The following UBE2V1 variants were observed in gnomAD, a reference collection of about 807,000 sequenced individuals.
UBE2V1 encodes the protein ubiquitin conjugating enzyme E2 V1.
Under a neutral mutation model 19.6 loss-of-function variants are expected in UBE2V1, and 15 were observed. The observed-to-expected ratio is 0.77, with a 90% confidence interval of 0.51 to 1.18. The LOEUF is 1.18. Among genes scored for constraint, UBE2V1 ranks in the 50% most tolerant of loss-of-function variants. The probability of loss-of-function intolerance (pLI) is 0.00; values close to 1 mark genes in which losing one functional copy is unlikely to be tolerated. For synonymous variants in UBE2V1, 60 were observed against 60.7 expected (o/e 0.99, Z 0.05); for missense variants, 125 against 184.8 (o/e 0.68, Z 1.88).
intron 2 of UBE2V1, among the ~76,000 whole-genome samples, chr20:50,089,468 T>G (rs1318448936): frequency 6.6e-6 from 1 of 152,210 alleles, no homozygotes; most frequent in East Asian, 1.9e-4. Context: ...AAATCCCTTT[T>G]CCCTTCCCCA....
intron 2 of UBE2V1, among the ~76,000 whole-genome samples, chr20:50,092,554 A>C (rs1039888034): frequency 2.0e-5 from 3 of 152,188 alleles, no homozygotes; most frequent in Admixed American, 1.3e-4. Flanking sequence ...ATGACAAAGA[A>C]AAGAACCAGC....
intron 2 of UBE2V1, among the ~76,000 whole-genome samples, chr20:50,094,257 A>AT (rs1157023475): frequency 7.4e-6 from 1 of 135,544 alleles, no homozygotes; most frequent in African/African-American, 2.6e-5. Context: ...TATAATATAT[A>AT]ATGCATTATA....
intron 1 of UBE2V1, among the ~76,000 whole-genome samples, chr20:50,109,674 G>A (rs2080619265): frequency 6.7e-6 from 1 of 150,196 alleles, no homozygotes; most frequent in South Asian, 2.1e-4. Context: ...GCTTGAACCT[G>A]GGAAGCAGAG....
intron 1 of UBE2V1, among the ~76,000 whole-genome samples, chr20:50,105,069 A>T (rs1417386279): frequency 6.6e-6 from 1 of 152,052 alleles, no homozygotes; most frequent in African/African-American, 2.4e-5. Flanking sequence ...AAAACTTACC[A>T]TTTTTTTTAA....
At chr20:50,115,230 T>C (rs890006064), upstream of UBE2V1, among the ~76,000 whole-genome samples, 1 of 152,174 alleles carries the variant, frequency 6.6e-6, no homozygotes, top group Admixed American at 6.5e-5. Context: ...GCCTGTGCTG[T>C]TCCCACTCTT....
rs192684215 is a variant in UBE2V1, at chr20:50,111,500, T to C, written c.22+1607A>G. ...CCCAGCAGTCTGGCCTGACTCAGAA[T>C]CTCTCTTCTGGGAGTGCCTGGGGCA... is the stretch of plus-strand genomic sequence containing the variant. On this transcript the variant is annotated intron_variant, in intron 1 of 3. Transcript: ENST00000371674. 517 of 1,000,304 alleles carry C rather than the reference T, an allele frequency of 5.2e-4. 1 individual carries two copies. In the African/African-American group the frequency reaches 8.6e-3, roughly 17 times the overall value. The allele number at this position is 1,000,304 out of a possible 1,614,324, so 62.0% of individuals were successfully genotyped here. A position where few individuals can be genotyped will look rare whatever the true frequency, so the allele number is the denominator to read the frequency against.
In UBE2V1 at chr20:50,093,872, C is replaced by T. The variant is rs1310197234; in HGVS notation, c.171+2800G>A. On this transcript the variant is annotated intron_variant, in intron 2 of 3. Coordinates refer to ENST00000371674, the MANE Select transcript of UBE2V1 (RefSeq NM_001032288.3). ...GGCGTGGTGGCGGGTACCTGTAATC[C>T]CAGCTACTCGGGAGGCTGAGGCAGA... 1.1e-4 allele frequency among the ~76,000 whole-genome samples: 17 copies of T among 149,554 alleles called. No homozygotes were observed. The East Asian group carries it at 3.1e-3, about 28-fold the overall frequency.
At chr20:50,105,704 T>A (rs2080309780) in intron 1 of UBE2V1, among the ~76,000 whole-genome samples, 1 of 152,168 alleles carries the variant, frequency 6.6e-6, no homozygotes, top group Non-Finnish European at 1.5e-5. Flanking sequence ...ATCTCAGTAC[T>A]TTGAGAGGCC....
chr20:50,082,874 T>C lies in UBE2V1; in HGVS notation c.338A>G (p.Asn113Ser). 3 of 1,611,874 alleles carry C rather than the reference T, an allele frequency of 1.9e-6. No homozygotes were observed. The highest frequency in any genetic ancestry group is 2.5e-6 in the Non-Finnish European group (3 of 1,179,848). ...RAISVLAKWQ[N>S]SYSIKVVLQE... Reference sequence around the variant, plus strand: ...CAGGACAACTTTGATGCTATATGAATTCTGCCATTTTGCTAGCACTGATAT... The same window carrying C: ...CAGGACAACTTTGATGCTATATGAACTCTGCCATTTTGCTAGCACTGATAT... Residue 113 changes from asparagine to serine, a missense_variant, in exon 4 of 4, where the codon AAT becomes AGT. By Grantham distance (46) the Asn-to-Ser change is conservative. Transcript: ENST00000371674.
intron 1 of UBE2V1, among the ~76,000 whole-genome samples, chr20:50,103,991 T>C (rs1464394411): frequency 2.0e-5 from 3 of 149,224 alleles, no homozygotes. Context: ...GTTGAAGAAA[T>C]GGCAGTATCA....
At position 50,106,698 on chromosome 20, in the gene UBE2V1, C is replaced by T. The variant is rs541893603; in HGVS notation, c.22+6409G>A. The stretch of plus-strand genomic sequence containing the variant: ...ATACAAAATTAGCTGGGCGTGGTGG[C>T]GCATGCCTGTAATCGAGCTACTCAG... On this transcript the variant is annotated intron_variant, in intron 1 of 3. Coordinates refer to ENST00000371674, the MANE Select transcript of UBE2V1 (RefSeq NM_001032288.3). Among the ~76,000 whole-genome samples the T allele has an allele frequency of 2.5e-4, 11 of 44,032 alleles. No homozygotes were observed. In the East Asian group the frequency reaches 5.0e-3, roughly 20 times the overall value. The allele number at this position is 44,032 out of a possible 152,430, so 28.9% of individuals were successfully genotyped here.
In UBE2V1 at chr20:50,096,953, C is replaced by T. The variant is rs2079663271; in HGVS notation, c.23-133G>A. On this transcript the variant is annotated intron_variant, in intron 1 of 3. Coordinates refer to ENST00000371674, the MANE Select transcript of UBE2V1 (RefSeq NM_001032288.3). ...AAAAAAATCACGGAAAGTTATCACACCTCAAACTTGCTACTTATAAAGCTA... is the reference window on the plus strand; with the variant it reads ...AAAAAAATCACGGAAAGTTATCACATCTCAAACTTGCTACTTATAAAGCTA... 2.8e-6 allele frequency: 4 copies of T among 1,414,032 alleles called. No homozygotes were observed. In the South Asian group the frequency reaches 4.2e-5, roughly 15 times the overall value. 87.6% of individuals were successfully genotyped at this position (1,414,032 alleles called of 1,614,324 possible). A position where few individuals can be genotyped will look rare whatever the true frequency, so the allele number is the denominator to read the frequency against.
intron 1 of UBE2V1, chr20:50,108,877 G>T: frequency 1.0e-6 from 1 of 960,312 alleles, no homozygotes; most frequent in Non-Finnish European, 1.2e-6. Flanking sequence ...AAGGGTTCCT[G>T]AAACGGGTAG....
upstream of UBE2V1, chr20:50,115,469 C>A: frequency 1.3e-6 from 2 of 1,553,708 alleles, no homozygotes; most frequent in Non-Finnish European, 1.8e-6. Flanking sequence ...CATTTGGGTT[C>A]CTAAGGTGGA....
intron 2 of UBE2V1, among the ~76,000 whole-genome samples, chr20:50,089,742 T>C (rs1260795450): frequency 1.3e-5 from 2 of 152,220 alleles, no homozygotes; most frequent in Admixed American, 6.5e-5. Context: ...CTCTAGGCAA[T>C]AGTAAGTTTT....
At position 50,108,133 on chromosome 20, in the gene UBE2V1, G is replaced by A. The variant is rs529500275; in HGVS notation, c.22+4974C>T. On this transcript the variant is annotated intron_variant, in intron 1 of 3. Coordinates refer to ENST00000371674, the MANE Select transcript of UBE2V1 (RefSeq NM_001032288.3). ...AGGGGAGTGGCAGTTTCTATTTTAC[G>A]TCTGTGAAAGATCATTCTGTCTCCT... 8.5e-5 allele frequency among the ~76,000 whole-genome samples: 13 copies of A among 152,340 alleles called. No individual in the cohort carries two copies. In the South Asian group the frequency reaches 1.7e-3, roughly 19 times the overall value.
At chr20:50,089,122 G>A (rs1204856671) in intron 2 of UBE2V1, among the ~76,000 whole-genome samples, 2 of 152,166 alleles carry the variant, frequency 1.3e-5, no homozygotes, top group Non-Finnish European at 2.9e-5. Flanking sequence ...GACTGAAAAT[G>A]TTCAAAGGGA....
chr20:50,094,142 CTT>C (rs1174362860), intron 2 of UBE2V1, among the ~76,000 whole-genome samples: 3 of 119,068 alleles, frequency 2.5e-5, no homozygotes, highest in East Asian at 2.3e-4. Flanking sequence ...AATTATATAT[CTT>C]ATATATAATT....
chr20:50,103,180 G>C (rs1207040020), intron 1 of UBE2V1, among the ~76,000 whole-genome samples: 1 of 152,076 alleles, frequency 6.6e-6, no homozygotes, highest in Non-Finnish European at 1.5e-5. Flanking sequence ...AATGTGTCAG[G>C]GTGTTTTGCC....
Sources: allele counts gnomAD v4.1 joint callset (sites outside exome capture counted in the v4.1 genomes callset), GRCh38; gene constraint gnomAD v4.1.1; transcripts MANE v1.5; gene names NCBI Gene and HGNC (gene_info 2026-07-23, HGNC 2026-07-21).